Variants in CD46 observed in about 807,000 individuals in gnomAD.
CD46 encodes the protein membrane cofactor protein.
In CD46, 30 loss-of-function variants were observed where a neutral mutation model predicts 53.3. That is an observed-to-expected ratio of 0.56 (90% CI 0.42 to 0.76). The LOEUF (loss-of-function observed/expected upper bound fraction) is 0.76, where lower values mean the gene tolerates loss of function less well. Among genes scored for constraint, CD46 ranks in the 30% least tolerant of loss-of-function variants. CD46 has a pLI of 0.00. For synonymous variants in CD46, 142 were observed against 152.0 expected, an observed-to-expected ratio of 0.93 and a Z score of 0.48; for missense variants, 409 against 463.0, an observed-to-expected ratio of 0.88 and a Z score of 1.07.
intron 7 of CD46, 149 bp downstream of exon 7, chr1:207,767,972 A>G (rs1430001551): frequency 3.0e-6 from 2 of 669,592 alleles, no homozygotes; most frequent in Admixed American, 2.6e-5. Context: ...GTTGTTATAC[A>G]TAGTGATTCT....
chr1:207,774,664 G>A (rs1244675886), intron 8 of CD46, among the ~76,000 whole-genome samples: 2 of 152,186 alleles, frequency 1.3e-5, no homozygotes, highest in Non-Finnish European at 2.9e-5. Context: ...CTGGATATGA[G>A]ATTCTGGGTT....
At chr1:207,777,800 A>G (rs1658278160) in intron 8 of CD46, among the ~76,000 whole-genome samples, 1 of 152,136 alleles carries the variant, frequency 6.6e-6, no homozygotes, top group Non-Finnish European at 1.5e-5. Flanking sequence ...CTGGGTATAT[A>G]CCCAGTAATG....
intron 5 of CD46, among the ~76,000 whole-genome samples, chr1:207,762,249 T>C (rs1047031118): frequency 2.0e-5 from 3 of 152,194 alleles, no homozygotes; most frequent in African/African-American, 7.2e-5. Context: ...TATCCAAATA[T>C]GTAGGATGCA....
rs571045741 is a variant in CD46, at chr1:207,763,542, G to A, written c.673+2096G>A. ...ACTTTTCGTGTCTCTCGGAGACGGC[G>A]AGCTGCAACTGCAGCAATCTTGTTT... is the stretch of plus-strand genomic sequence containing the variant. On this transcript the variant is annotated intron_variant, in intron 5 of 12. Transcript: ENST00000367042. 1.3e-4 allele frequency among the ~76,000 whole-genome samples: 20 copies of A among 152,308 alleles called. No individual in the cohort carries two copies. The South Asian group carries it at 1.7e-3, about 13-fold the overall frequency.
Position 207,767,075 on chromosome 1 carries a change from T to A in CD46, c.736T>A (p.Phe246Ile), listed in dbSNP as rs1656935935. ...GKQISGFGKK[F>I]YYKATVMFEC... ...ACAGATATCAGGATTTGGAAAAAAATTTTACTACAAAGCAACAGTTATGTT... is the reference window on the plus strand; with the variant it reads ...ACAGATATCAGGATTTGGAAAAAAAATTTACTACAAAGCAACAGTTATGTT... Residue 246 changes from phenylalanine to isoleucine, a missense_variant, in exon 6 of 13, where the codon TTT becomes ATT. Physicochemically the swap from Phe to Ile is conservative, Grantham distance 21. Coordinates refer to ENST00000367042, the MANE Select transcript of CD46 (RefSeq NM_172351.3). 6.2e-7 allele frequency: 1 copy of A among 1,613,638 alleles called. No individual in the cohort carries two copies. The highest frequency in any genetic ancestry group is 8.5e-7 in the Non-Finnish European group (1 of 1,179,614).
intron 7 of CD46, chr1:207,769,481 T>C (rs955322159): frequency 2.6e-5 from 4 of 152,200 alleles, no homozygotes; most frequent in African/African-American, 9.6e-5. Context: ...TGATACAGTC[T>C]TTTGAAAGAG....
At chr1:207,783,716 TTAA>T (rs1197960141) in intron 9 of CD46, 1 of 155,572 alleles carries the variant, frequency 6.4e-6, no homozygotes, top group East Asian at 1.8e-4. Flanking sequence ...TAAAGATTTC[TTAA>T]TAAGTAAAAA....
chr1:207,754,827 G>A (rs1353176325), intron 1 of CD46, among the ~76,000 whole-genome samples: 1 of 150,332 alleles, frequency 6.7e-6, no homozygotes, highest in African/African-American at 2.5e-5. Flanking sequence ...GGAGTAGGGA[G>A]TAGTGGTGAT....
At chr1:207,765,236 T>C (rs1342411727) in intron 5 of CD46, among the ~76,000 whole-genome samples, 2 of 152,014 alleles carry the variant, frequency 1.3e-5, no homozygotes, top group Non-Finnish European at 2.9e-5. Flanking sequence ...ACAAAGAAAA[T>C]GTTTGACAGA....
intron 5 of CD46, among the ~76,000 whole-genome samples, chr1:207,765,358 A>G (rs1422181043): frequency 6.6e-6 from 1 of 152,214 alleles, no homozygotes; most frequent in Non-Finnish European, 1.5e-5. Context: ...AGCTAACATT[A>G]CACTTCATGG....
At chr1:207,790,383 C>G in intron 12 of CD46, 38 bp downstream of exon 12, 4 of 1,069,254 alleles carry the variant, frequency 3.7e-6, no homozygotes, top group Non-Finnish European at 5.8e-6. Flanking sequence ...GATGTCCTTT[C>G]TTTTGAAAAA....
intron 5 of CD46, among the ~76,000 whole-genome samples, chr1:207,764,740 C>CA (rs1656653118): frequency 6.6e-6 from 1 of 152,118 alleles, no homozygotes; most frequent in Non-Finnish European, 1.5e-5. Flanking sequence ...TTGAAAGATA[C>CA]AAAATGTCAA....
Position 207,757,177 on chromosome 1 carries a change from A to G in CD46, c.261A>G (p.Leu87=), listed in dbSNP as rs115385712. Residue 87 remains leucine (L), a synonymous_variant, in exon 2 of 13, where the codon CTA becomes CTG. Coordinates refer to ENST00000367042, the MANE Select transcript of CD46 (RefSeq NM_172351.3). ...HTICDRNHTW[L]PVSDDACYRE... ...TTTGTGATCGGAATCATACATGGCT[A>G]CCTGTCTCAGATGACGCCTGTTATA... The G allele has an allele frequency of 3.3e-5, 54 of 1,613,720 alleles. No homozygotes were observed. In the East Asian group the frequency reaches 5.8e-4, roughly 17 times the overall value.
At chr1:207,765,712 A>G (rs1656769507) in intron 5 of CD46, among the ~76,000 whole-genome samples, 1 of 152,224 alleles carries the variant, frequency 6.6e-6, no homozygotes, top group Admixed American at 6.5e-5. Context: ...TGAAACTCTC[A>G]TATACTGATG....
Position 207,761,754 on chromosome 1 carries a change from T to C in CD46, c.673+308T>C, listed in dbSNP as rs559332435. On this transcript the variant is annotated intron_variant, in intron 5 of 12. Transcript: ENST00000367042. ...AATACACACTGGCTTAAAGAAAGTT[T>C]CATCTTGTATTACAAGAAATCTAAG... Among the ~76,000 whole-genome samples, 6 of 152,238 alleles carry C rather than the reference T, an allele frequency of 3.9e-5. No individual in the cohort carries two copies. In the East Asian group the frequency reaches 1.2e-3, roughly 29 times the overall value.
chr1:207,752,463 G>A lies in CD46; in HGVS notation c.97+154G>A, dbSNP rs975930540. On this transcript the variant is annotated intron_variant, in intron 1 of 12. Transcript: ENST00000367042. This position sits in a 1 kb window ranked among gnomAD's most constrained non-coding sequence, Gnocchi z 4.1. ...TGCTCAGATCCCGGGGGTATGTGGC[G>A]GGGAATGCGGGGACCACGCAGAGCC... 6.6e-6 allele frequency among the ~76,000 whole-genome samples: 1 copy of A among 152,232 alleles called. No individual in the cohort carries two copies. Among genetic ancestry groups the A allele is most frequent in the African/African-American group, 2.4e-5 (1 of 41,470 alleles).
At chr1:207,779,268 C>G (rs1394522483) in intron 8 of CD46, among the ~76,000 whole-genome samples, 2 of 152,152 alleles carry the variant, frequency 1.3e-5, no homozygotes, top group East Asian at 3.9e-4. Context: ...TATTTGGATG[C>G]CCTCTGTTTC....
chr1:207,772,814 G>A (rs556814286), intron 8 of CD46, among the ~76,000 whole-genome samples: 1 of 152,316 alleles, frequency 6.6e-6, no homozygotes, highest in Non-Finnish European at 1.5e-5. Context: ...GTATTTTGTT[G>A]AGGATTTTTG....
In CD46 at chr1:207,767,841, T is replaced by G; in HGVS notation, c.901+18T>G. On this transcript the variant is annotated intron_variant, in intron 7 of 12. Coordinates refer to ENST00000367042, the MANE Select transcript of CD46 (RefSeq NM_172351.3). The stretch of plus-strand genomic sequence containing the variant: ...TGCCTCAGGTTTAGTAATTTCCTGC[T>G]TATAGTTTTTCAAAAATCCTTTAAA... 6.3e-7 allele frequency: 1 copy of G among 1,583,844 alleles called. No homozygotes were observed. The highest frequency in any genetic ancestry group is 1.3e-5 in the African/African-American group (1 of 74,442).
Sources: allele counts gnomAD v4.1 joint callset (sites outside exome capture counted in the v4.1 genomes callset), GRCh38; gene constraint gnomAD v4.1.1; non-coding constraint Gnocchi (gnomAD v3.1); transcripts MANE v1.5; gene names NCBI Gene and HGNC (gene_info 2026-07-23, HGNC 2026-07-21).